Variants in GSG1L observed in about 807,000 individuals in gnomAD.
GSG1L encodes the protein GSG1 like.
In GSG1L, 24 loss-of-function variants were observed where a neutral mutation model predicts 42.1. The observed-to-expected ratio is 0.57, with a 90% confidence interval of 0.41 to 0.80. The LOEUF is 0.80. Among genes scored for constraint, GSG1L ranks in the 30% least tolerant of loss-of-function variants. The pLI is 0.00. For missense variants in GSG1L, 445 were observed against 472.2 expected (o/e 0.94, Z 0.53); for synonymous variants, 215 against 203.5 (o/e 1.06, Z -0.48).
chr16:27,939,866 A>G (rs2084767029), intron 2 of GSG1L, among the ~76,000 whole-genome samples: 1 of 152,110 alleles, frequency 6.6e-6, no homozygotes, highest in South Asian at 2.1e-4. Flanking sequence ...CTTTTAGTAG[A>G]GACAAGACCT....
At chr16:27,956,571 T>C (rs1169723485) in intron 2 of GSG1L, among the ~76,000 whole-genome samples, 2 of 152,214 alleles carry the variant, frequency 1.3e-5, no homozygotes, top group African/African-American at 4.8e-5. Context: ...TGGGACTGGC[T>C]GTGGCCAATG....
At chr16:28,009,455 G>A (rs1335063543) in intron 1 of GSG1L, among the ~76,000 whole-genome samples, 3 of 152,168 alleles carry the variant, frequency 2.0e-5, no homozygotes, top group Non-Finnish European at 2.9e-5. Context: ...ATTTGTGTGT[G>A]TGCTCACCTG....
At chr16:27,926,916 C>T (rs191492485) in intron 2 of GSG1L, among the ~76,000 whole-genome samples, 29 of 152,150 alleles carry the variant, frequency 1.9e-4, no homozygotes, top group African/African-American at 5.8e-4. Flanking sequence ...TAGTACTACC[C>T]CCAATTTTCA....
chr16:27,817,188 A>G (rs2083104570), intron 5 of GSG1L, among the ~76,000 whole-genome samples: 1 of 152,170 alleles, frequency 6.6e-6, no homozygotes, highest in South Asian at 2.1e-4. Flanking sequence ...TGTGGCCACA[A>G]TAGCCAGGGG....
intron 1 of GSG1L, among the ~76,000 whole-genome samples, chr16:28,043,015 A>G (rs1268490483): frequency 6.6e-6 from 1 of 152,236 alleles, no homozygotes. Flanking sequence ...AATTGAATCA[A>G]CAATGTAGAG....
intron 3 of GSG1L, among the ~76,000 whole-genome samples, chr16:27,854,744 G>T (rs766722869): frequency 2.6e-5 from 4 of 152,162 alleles, no homozygotes; most frequent in Non-Finnish European, 5.9e-5. Context: ...TCTTCACCTG[G>T]ACTGAGCTCC....
intron 3 of GSG1L, among the ~76,000 whole-genome samples, chr16:27,858,569 A>C (rs563843029): frequency 6.6e-6 from 1 of 152,312 alleles, no homozygotes; most frequent in Non-Finnish European, 1.5e-5. Context: ...ATGGTTTAGG[A>C]AATAAAGGAG....
chr16:27,991,529 C>T (rs370246739), intron 1 of GSG1L, among the ~76,000 whole-genome samples: 15 of 152,010 alleles, frequency 9.9e-5, no homozygotes, highest in African/African-American at 3.6e-4. Flanking sequence ...CTCAGCCTCC[C>T]GAGTAGCTGG....
chr16:27,969,217 A>G (rs2085165913), intron 1 of GSG1L, among the ~76,000 whole-genome samples: 1 of 152,222 alleles, frequency 6.6e-6, no homozygotes, highest in African/African-American at 2.4e-5. Context: ...ACCACAATCA[A>G]TTTTAAAACG....
rs2086327659 is a variant in GSG1L at position 28,060,385 on chromosome 16, G to A, written c.349+2691C>T. Among the ~76,000 whole-genome samples the A allele has an allele frequency of 2.0e-5, 3 of 152,234 alleles. No homozygotes were observed. In the South Asian group the frequency reaches 6.2e-4, roughly 32 times the overall value. On this transcript the variant is annotated intron_variant, in intron 1 of 6. Coordinates refer to ENST00000447459, the MANE Select transcript of GSG1L (RefSeq NM_001109763.2). ...TGCAGAAACCACCCCAGCTGGCTCCGATTCCCAAATTTCTCACCAGCACTG... is the reference window on the plus strand; with the variant it reads ...TGCAGAAACCACCCCAGCTGGCTCCAATTCCCAAATTTCTCACCAGCACTG...
chr16:27,820,219 G>C (rs1567469577), intron 5 of GSG1L, among the ~76,000 whole-genome samples: 4 of 152,200 alleles, frequency 2.6e-5, no homozygotes, highest in Non-Finnish European at 5.9e-5. Context: ...ATGGCATCGG[G>C]TGGGGCGGAG....
intron 2 of GSG1L, among the ~76,000 whole-genome samples, chr16:27,893,465 A>T (rs2084153520): frequency 6.6e-6 from 1 of 152,218 alleles, no homozygotes; most frequent in Non-Finnish European, 1.5e-5. Context: ...GCACGCAGTA[A>T]ATGAGACAAT....
intron 1 of GSG1L, among the ~76,000 whole-genome samples, chr16:27,975,520 C>T (rs575223863): frequency 1.3e-5 from 2 of 152,284 alleles, no homozygotes; most frequent in South Asian, 2.1e-4. Flanking sequence ...GTACACGTGT[C>T]CTCTACAGGA....
chr16:27,881,658 T>C lies in GSG1L; in HGVS notation c.550+2828A>G, dbSNP rs192012789. On this transcript the variant is annotated intron_variant, in intron 3 of 6. Coordinates refer to ENST00000447459, the MANE Select transcript of GSG1L (RefSeq NM_001109763.2). ...TGGGTCTCATCCCCACTACTGTGAT[T>C]TGTTGGAGGAAAGCTAAATGACAGC... 2.0e-5 allele frequency among the ~76,000 whole-genome samples: 3 copies of C among 152,314 alleles called. No individual in the cohort carries two copies. In the East Asian group the frequency reaches 5.8e-4, roughly 29 times the overall value.
chr16:27,953,509 T>C (rs779037260), intron 2 of GSG1L, among the ~76,000 whole-genome samples: 6 of 152,134 alleles, frequency 3.9e-5, no homozygotes, highest in Non-Finnish European at 8.8e-5. Flanking sequence ...ATTATTGTCA[T>C]GGCAGGAGAG....
chr16:27,966,174 G>C (rs1447385189), intron 1 of GSG1L, among the ~76,000 whole-genome samples: 1 of 152,162 alleles, frequency 6.6e-6, no homozygotes, highest in Non-Finnish European at 1.5e-5. Flanking sequence ...TCCCAAGGAG[G>C]CCTTTCCATT....
intron 4 of GSG1L, among the ~76,000 whole-genome samples, chr16:27,829,883 T>G (rs1425718041): frequency 6.6e-6 from 1 of 152,118 alleles, no homozygotes; most frequent in Non-Finnish European, 1.5e-5. Context: ...ATTACCCACT[T>G]CCATATGACT....
chr16:27,794,877 C>T lies in GSG1L; in HGVS notation c.899-3410G>A, dbSNP rs554336647. ...TTCCCTGCTCTTCTCCAGCTGTTGA[C>T]TCCCTGATTTTTTCAAATGCTGCCT... On this transcript the variant is annotated intron_variant, in intron 6 of 6. Coordinates refer to ENST00000447459, the MANE Select transcript of GSG1L (RefSeq NM_001109763.2). 3.7e-4 allele frequency among the ~76,000 whole-genome samples: 57 copies of T among 152,162 alleles called. 1 individual carries two copies. Among genetic ancestry groups the T allele is most frequent in the African/African-American group, 1.3e-3 (55 of 41,558 alleles).
At chr16:27,866,931 A>C (rs2083734071) in intron 3 of GSG1L, among the ~76,000 whole-genome samples, 1 of 152,110 alleles carries the variant, frequency 6.6e-6, no homozygotes, top group African/African-American at 2.4e-5. Flanking sequence ...AGGGTGATGA[A>C]TGCAGCTCAC....
Sources: allele counts gnomAD v4.1 joint callset (sites outside exome capture counted in the v4.1 genomes callset), GRCh38; gene constraint gnomAD v4.1.1; transcripts MANE v1.5; gene names NCBI Gene and HGNC (gene_info 2026-07-23, HGNC 2026-07-21).